Variants in MUC3A observed in about 807,000 individuals in gnomAD.
The protein encoded by MUC3A is mucin 3A, cell surface associated, also known as mucin-3A.
MUC3A carries 109 observed loss-of-function variants against 109.0 expected under a neutral mutation model. That is an observed-to-expected ratio of 1.00 (90% CI 0.86 to 1.17). The LOEUF (loss-of-function observed/expected upper bound fraction) is 1.17. MUC3A is among the 50% of genes most tolerant of loss of function. MUC3A has a pLI of 0.00. For synonymous variants in MUC3A, 1,398 were observed against 981.4 expected (o/e 1.42, Z -7.93); for missense variants, 3,537 against 2,469.4 (o/e 1.43, Z -9.16).
Position 100,960,485 on chromosome 7 carries a change from C to T in MUC3A, c.8706C>T (p.Ile2902=), listed in dbSNP as rs1032433499. 3.1e-6 allele frequency: 5 copies of T among 1,598,662 alleles called. No homozygotes were observed. Among genetic ancestry groups the T allele is most frequent in the Non-Finnish European group, 4.2e-6 (5 of 1,179,812 alleles). The change falls in exon 2 of 12, where the codon ATC becomes ATT. Residue 2902 remains isoleucine, a synonymous_variant. Coordinates refer to ENST00000379458, the MANE Select transcript of MUC3A (RefSeq NM_005960.2). ...AACCAAGCAGTAGCCTCCCGACCAT[C>T]CTGAGGACTTCAAGCAAGTCAACAC... ...TMKPSSSLPT[I]LRTSSKSTHP...
Position 100,958,070 on chromosome 7 carries a change from C to T in MUC3A, c.6291C>T (p.Ile2097=). 7.5e-7 allele frequency: 1 copy of T among 1,325,048 alleles called. No homozygotes were observed. The highest frequency in any genetic ancestry group is 1.1e-6 in the Non-Finnish European group (1 of 943,708). 82.1% of individuals were successfully genotyped at this position (1,325,048 alleles called of 1,614,324 possible). Residue 2097 remains isoleucine, a synonymous_variant, in exon 2 of 12, where the codon ATC becomes ATT. Coordinates refer to ENST00000379458, the MANE Select transcript of MUC3A (RefSeq NM_005960.2). ...GTACTCTCAGCTTCACTTCTTCAATCACCACCACTGAGACCACCTCACACA... is the reference window on the plus strand; with the variant it reads ...GTACTCTCAGCTTCACTTCTTCAATTACCACCACTGAGACCACCTCACACA... ...SHSTLSFTSS[I]TTTETTSHST...
intron 7 of MUC3A, 50 bp from the exon 8 acceptor site, chr7:100,965,654 T>C (rs773403287): frequency 6.4e-6 from 10 of 1,566,514 alleles, no homozygotes; most frequent in South Asian, 4.6e-5. Context: ...GGCCCCTGAA[T>C]AGAATGGATG....
rs768521149 is a variant in MUC3A at position 100,959,758 on chromosome 7, C to T, written c.7979C>T (p.Thr2660Ile). The part of the protein sequence containing the change: ...TSLTSTSEFT[T>I]ESFTRGSTST... ...CTCACATCTACAAGTGAGTTCACTA[C>T]AGAATCTTTCACTAGGGGAAGTACG... is the stretch of plus-strand genomic sequence containing the variant. Residue 2660 changes from threonine (T) to isoleucine (I), a missense_variant, in exon 2 of 12, where the codon ACA (threonine) becomes ATA (isoleucine). Thr to Ile is a moderately conservative substitution (Grantham distance 89). Coordinates refer to ENST00000379458, the MANE Select transcript of MUC3A (RefSeq NM_005960.2). 9 of 1,598,038 alleles carry T rather than the reference C, an allele frequency of 5.6e-6. No homozygotes were observed. The African/African-American group carries it at 9.3e-5, about 17-fold the overall frequency.
Position 100,956,875 on chromosome 7 carries a change from C to T in MUC3A, c.5096C>T (p.Ser1699Leu), listed in dbSNP as rs970372733. 9 of 412,476 alleles carry T rather than the reference C, an allele frequency of 2.2e-5. No homozygotes were observed. Among genetic ancestry groups the T allele is most frequent in the Non-Finnish European group, 3.8e-5 (9 of 235,918 alleles). 25.6% of individuals were successfully genotyped at this position (412,476 alleles called of 1,614,324 possible). A position where few individuals can be genotyped will look rare whatever the true frequency, so the allele number is the denominator to read the frequency against. Reference protein sequence around the residue: ...TLHTTAESTPSPTTTMSFTTF... With the variant: ...TLHTTAESTPLPTTTMSFTTF... ...CACACAACAGCTGAATCCACCCCAT[C>T]ACCTACAACCACCATGTCATTCACA... The change falls in exon 2 of 12, where the codon TCA becomes TTA. Residue 1699 changes from serine (S) to leucine (L), a missense_variant. Physicochemically the swap from Ser to Leu is moderately radical, Grantham distance 145 (BLOSUM62 -2). Coordinates refer to ENST00000379458, the MANE Select transcript of MUC3A (RefSeq NM_005960.2).
At chr7:100,965,471 G>T in intron 7 of MUC3A, 124 bp downstream of exon 7, 1 of 1,490,844 alleles carries the variant, frequency 6.7e-7, no homozygotes, top group Non-Finnish European at 9.0e-7. Flanking sequence ...TGTGGCCCAG[G>T]GCGGCCCTTC....
intron 3 of MUC3A, among the ~76,000 whole-genome samples, chr7:100,962,811 CTCTTTCTT>C (rs955627924): frequency 6.2e-4 from 79 of 126,572 alleles, no homozygotes; most frequent in South Asian, 1.2e-3. Flanking sequence ...CTCTCTCTCT[CTCTTTCTT>C]TCTTTCTTTC....
intron 7 of MUC3A, 107 bp from the exon 8 acceptor site, chr7:100,965,597 C>G (rs1225177840): frequency 2.6e-6 from 4 of 1,519,350 alleles, no homozygotes; most frequent in African/African-American, 2.7e-5. Context: ...AGCATCCCAC[C>G]TCGGAAATGG....
intron 4 of MUC3A, 21 bp downstream of exon 4, chr7:100,963,287 A>ATT (rs34281234): frequency 3.4e-3 from 4,556 of 1,345,314 alleles, no homozygotes; most frequent in Non-Finnish European, 4.1e-3. Context: ...AAGAGAGGGG[A>ATT]TTTTTTTTTT....
At chr7:100,963,882 A>C in intron 5 of MUC3A, 130 bp downstream of exon 5, 1 of 1,331,876 alleles carries the variant, frequency 7.5e-7, no homozygotes, top group Admixed American at 2.0e-5. Context: ...ATAAGGAATC[A>C]CTCCCTGGGT....
intron 7 of MUC3A, 176 bp from the exon 8 acceptor site, chr7:100,965,528 G>GGA: frequency 7.1e-7 from 1 of 1,417,934 alleles, no homozygotes; most frequent in South Asian, 1.4e-5. Flanking sequence ...GGGGCCACGA[G>GGA]GAGAGGGTGA....
Position 100,951,960 on chromosome 7 carries a change from C to T in MUC3A, c.181C>T (p.Pro61Ser), listed in dbSNP as rs1171961864. The change falls in exon 2 of 12, where the codon CCC becomes TCC. Residue 61 changes from proline to serine, a missense_variant. Physicochemically the swap from Pro to Ser is moderately conservative, Grantham distance 74 (BLOSUM62 -1). Coordinates refer to ENST00000379458, the MANE Select transcript of MUC3A (RefSeq NM_005960.2). Reference sequence around the variant, plus strand: ...CCTGGCTGGGTGGCCACTTGGTGTCCCCCAGCTCGCCTCTCCTGCTCCTGG... The same window carrying T: ...CCTGGCTGGGTGGCCACTTGGTGTCTCCCAGCTCGCCTCTCCTGCTCCTGG... ...RDLAGWPLGVPQLASPAPGHR... is the reference protein window; with the variant it reads ...RDLAGWPLGVSQLASPAPGHR... The T allele has an allele frequency of 1.3e-6, 2 of 1,598,646 alleles. No individual in the cohort carries two copies. The highest frequency in any genetic ancestry group is 1.7e-6 in the Non-Finnish European group (2 of 1,179,800).
At position 100,958,579 on chromosome 7, in the gene MUC3A, C is replaced by T; in HGVS notation, c.6800C>T (p.Ser2267Leu). 3 of 1,420,146 alleles carry T rather than the reference C, an allele frequency of 2.1e-6. No homozygotes were observed. The highest frequency in any genetic ancestry group is 3.4e-5 in the Admixed American group (2 of 59,088). The allele number at this position is 1,420,146 out of a possible 1,614,324, so 88.0% of individuals were successfully genotyped here. Residue 2267 changes from serine to leucine, a missense_variant, in exon 2 of 12, where the codon TCA (serine) becomes TTA (leucine). Ser to Leu is a moderately radical substitution (Grantham distance 145, BLOSUM62 -2). Coordinates refer to ENST00000379458, the MANE Select transcript of MUC3A (RefSeq NM_005960.2). ...TSSITTTETT[S>L]HDTPSFTSSI... Reference sequence around the variant, plus strand: ...TCGATCACCACCACTGAGACCACCTCACATGATACTCCCAGCTTCACTTCT... The same window carrying T: ...TCGATCACCACCACTGAGACCACCTTACATGATACTCCCAGCTTCACTTCT...
In MUC3A at chr7:100,958,756, C is replaced by A. The variant is rs770434392; in HGVS notation, c.6977C>A (p.Ser2326Tyr). The A allele has an allele frequency of 2.0e-6, 3 of 1,514,728 alleles. No individual in the cohort carries two copies. Among genetic ancestry groups the A allele is most frequent in the African/African-American group, 2.8e-5 (2 of 72,150 alleles). 93.8% of individuals were successfully genotyped at this position (1,514,728 alleles called of 1,614,324 possible). Residue 2326 changes from serine to tyrosine, a missense_variant, in exon 2 of 12, where the codon TCT becomes TAT. By Grantham distance (144) the Ser-to-Tyr change is moderately radical (BLOSUM62 -2). Transcript: ENST00000379458. ...TCACACAGTGCTCACAGCTTCACTT[C>A]TTCGATCACCACCACCGAGACCACC... ...TTSHSAHSFT[S>Y]SITTTETTSH... is the part of the protein sequence containing the mutation.
intron 3 of MUC3A, 29 bp downstream of exon 3, chr7:100,960,966 C>T: frequency 1.3e-6 from 2 of 1,598,460 alleles, no homozygotes; most frequent in Non-Finnish European, 1.7e-6. Flanking sequence ...GCCTTCTGCA[C>T]TTCCTCCCAC....
At position 100,960,486 on chromosome 7, in the gene MUC3A, C is replaced by A. The variant is rs1352719379; in HGVS notation, c.8707C>A (p.Leu2903Met). ...MKPSSSLPTI[L>M]RTSSKSTHPS... is the part of the protein sequence containing the mutation. ...ACCAAGCAGTAGCCTCCCGACCATCCTGAGGACTTCAAGCAAGTCAACACA... is the reference window on the plus strand; with the variant it reads ...ACCAAGCAGTAGCCTCCCGACCATCATGAGGACTTCAAGCAAGTCAACACA... Residue 2903 changes from leucine (L) to methionine (M), a missense_variant, in exon 2 of 12, where the codon CTG becomes ATG. By Grantham distance (15) the Leu-to-Met change is conservative (BLOSUM62 2). Coordinates refer to ENST00000379458, the MANE Select transcript of MUC3A (RefSeq NM_005960.2). The A allele has an allele frequency of 6.3e-7, 1 of 1,598,672 alleles. No homozygotes were observed. Among genetic ancestry groups the A allele is most frequent in the Non-Finnish European group, 8.5e-7 (1 of 1,179,812 alleles).
intron 3 of MUC3A, 118 bp from the exon 4 acceptor site, chr7:100,963,032 AG>A: frequency 9.0e-7 from 1 of 1,115,712 alleles, no homozygotes. Context: ...TCTGGGCATC[AG>A]TCCTCAGGGA....
At position 100,958,727 on chromosome 7, in the gene MUC3A, C is replaced by A. The variant is rs768396151; in HGVS notation, c.6948C>A (p.Thr2316=). ...CTTCTTCGATCACCACCACGGAGAC[C>A]ACCTCACACAGTGCTCACAGCTTCA... ...SFTSSITTTE[T]TSHSAHSFTS... is the part of the protein sequence containing the mutation. The change falls in exon 2 of 12, where the codon ACC becomes ACA. Residue 2316 remains threonine, a synonymous_variant. Coordinates refer to ENST00000379458, the MANE Select transcript of MUC3A (RefSeq NM_005960.2). 5.7e-5 allele frequency: 84 copies of A among 1,474,092 alleles called. 3 individuals are homozygous for A. The African/African-American group carries it at 9.9e-4, about 17-fold the overall frequency. The allele number at this position is 1,474,092 out of a possible 1,614,324, so 91.3% of individuals were successfully genotyped here. A position where few individuals can be genotyped will look rare whatever the true frequency, so the allele number is the denominator to read the frequency against.
Position 100,951,878 on chromosome 7 carries a change from T to C in MUC3A, c.99T>C (p.Pro33=). The change falls in exon 2 of 12, where the codon CCT becomes CCC. Residue 33 remains proline, a synonymous_variant. Coordinates refer to ENST00000379458, the MANE Select transcript of MUC3A (RefSeq NM_005960.2). ...CGGCCACATCCATCTCTCAAGTGCC[T>C]TTCCCCAGAGCAGAAGCAGCCAGCG... ...LSTATSISQV[P]FPRAEAASAV... is the part of the protein sequence containing the mutation. 1 of 1,598,378 alleles carries C rather than the reference T, an allele frequency of 6.3e-7. No homozygotes were observed. The highest frequency in any genetic ancestry group is 8.5e-7 in the Non-Finnish European group (1 of 1,179,516).
At position 100,966,576 on chromosome 7, in the gene MUC3A, CGGG is replaced by C; in HGVS notation, c.9785+19_9785+21del. On this transcript the variant is annotated intron_variant, in intron 9 of 11. Coordinates refer to ENST00000379458, the MANE Select transcript of MUC3A (RefSeq NM_005960.2). ...CCGAGGCCGGTGAGCGTGCGGGGGG[CGGG>C]GCCGGGGGGCGAGGGCAGCCAAGGG... is the stretch of plus-strand genomic sequence containing the variant. 6.5e-7 allele frequency: 1 copy of C among 1,546,558 alleles called. No homozygotes were observed. Among genetic ancestry groups the C allele is most frequent in the South Asian group, 1.2e-5 (1 of 84,124 alleles).
Sources: allele counts gnomAD v4.1 joint callset (sites outside exome capture counted in the v4.1 genomes callset), GRCh38; gene constraint gnomAD v4.1.1; transcripts MANE v1.5; gene names NCBI Gene and HGNC (gene_info 2026-07-23, HGNC 2026-07-21).